Variants in ACYP2 observed in about 807,000 individuals in gnomAD.
ACYP2 encodes the protein acylphosphatase 2.
A neutral mutation model predicts 11.2 loss-of-function variants in ACYP2; 12 were observed. The ratio of observed to expected loss-of-function variants is 1.08; its 90% CI spans 0.69 to 1.74. The LOEUF (loss-of-function observed/expected upper bound fraction) is 1.74, where lower values mean the gene tolerates loss of function less well. Among genes scored for constraint, ACYP2 ranks in the 40% most tolerant of loss-of-function variants. The pLI is 0.00. For missense variants in ACYP2, 134 were observed against 101.9 expected (o/e 1.31, Z -1.35); for synonymous variants, 43 against 32.2 (o/e 1.33, Z -1.13).
At chr2:54,207,238 A>G (rs1427195806) in intron 6 of ACYP2, among the ~76,000 whole-genome samples, 1 of 143,438 alleles carries the variant, frequency 7.0e-6, no homozygotes, top group Non-Finnish European at 1.5e-5. Flanking sequence ...GGCTCATGCA[A>G]TTATGATGGT....
At chr2:54,272,328 C>A (rs1688344861) in intron 6 of ACYP2, among the ~76,000 whole-genome samples, 1 of 152,076 alleles carries the variant, frequency 6.6e-6, no homozygotes, top group African/African-American at 2.4e-5. Context: ...TTATCTCTAC[C>A]CAGGAGCTGC....
chr2:54,171,529 G>A (rs976021961), intron 6 of ACYP2, among the ~76,000 whole-genome samples: 4 of 152,152 alleles, frequency 2.6e-5, no homozygotes, highest in Admixed American at 6.5e-5. Flanking sequence ...ACAATGTGGC[G>A]TTGGTTGCTA....
At chr2:54,136,034 A>G (rs987744489) in intron 5 of ACYP2, among the ~76,000 whole-genome samples, 1 of 152,168 alleles carries the variant, frequency 6.6e-6, no homozygotes, top group South Asian at 2.1e-4. Context: ...AGTAGCTGGG[A>G]TTACACAGGT....
chr2:53,977,101 G>A (rs1210309881), intron 2 of ACYP2, among the ~76,000 whole-genome samples: 3 of 152,050 alleles, frequency 2.0e-5, no homozygotes, highest in African/African-American at 7.2e-5. Context: ...AGGCTGGTGT[G>A]CAGTGGCATG....
At chr2:54,059,133 A>G (rs1676330376) in intron 4 of ACYP2, among the ~76,000 whole-genome samples, 1 of 152,202 alleles carries the variant, frequency 6.6e-6, no homozygotes, top group Admixed American at 6.5e-5. Context: ...TTCCTGCTGT[A>G]TCACAACCTT....
rs565638860 is a variant in ACYP2, at chr2:54,104,519, G to A, written c.278-30934G>A. On this transcript the variant is annotated intron_variant, in intron 4 of 6. Coordinates refer to ENST00000607452, the MANE Select transcript of ACYP2 (RefSeq NM_001320586.2). ...GTTTTGTTAAGTAGACATTTTTGAT[G>A]TAGTTAGATTTTACCAAACTGCTAG... Among the ~76,000 whole-genome samples the A allele has an allele frequency of 2.6e-5, 4 of 152,288 alleles. No individual in the cohort carries two copies. The East Asian group carries it at 5.8e-4, about 22-fold the overall frequency.
chr2:53,983,495 G>A (rs1671866898), intron 2 of ACYP2, among the ~76,000 whole-genome samples: 1 of 152,098 alleles, frequency 6.6e-6, no homozygotes, highest in African/African-American at 2.4e-5. Context: ...AACAGAGCAA[G>A]ACCCTGTCTC....
intron 4 of ACYP2, among the ~76,000 whole-genome samples, chr2:54,074,859 G>C (rs753722074): frequency 1.3e-5 from 2 of 152,010 alleles, no homozygotes; most frequent in Non-Finnish European, 2.9e-5. Context: ...ATTGGATGAG[G>C]TTCACTCACA....
chr2:54,190,914 C>T (rs1315141780), intron 6 of ACYP2, among the ~76,000 whole-genome samples: 3 of 152,164 alleles, frequency 2.0e-5, no homozygotes, highest in Middle Eastern at 3.2e-3. Context: ...GAGCAAAAGT[C>T]CCTTTCTTAT....
intron 6 of ACYP2, among the ~76,000 whole-genome samples, chr2:54,211,483 A>G (rs1020674806): frequency 6.6e-6 from 1 of 152,194 alleles, no homozygotes; most frequent in African/African-American, 2.4e-5. Context: ...AATCCCATCT[A>G]CTTGGTATCC....
chr2:54,214,119 C>T (rs1041671502), intron 6 of ACYP2, among the ~76,000 whole-genome samples: 1 of 151,996 alleles, frequency 6.6e-6, no homozygotes, highest in Admixed American at 6.6e-5. Flanking sequence ...CGTTTAAGTT[C>T]CTTATAGATT....
chr2:54,083,666 G>A (rs1379697347), intron 4 of ACYP2, among the ~76,000 whole-genome samples: 1 of 152,180 alleles, frequency 6.6e-6, no homozygotes, highest in Non-Finnish European at 1.5e-5. Flanking sequence ...CTGCTGTCAA[G>A]AAGCTCCAGA....
chr2:54,089,918 G>T (rs1271389199), intron 4 of ACYP2, among the ~76,000 whole-genome samples: 1 of 152,052 alleles, frequency 6.6e-6, no homozygotes, highest in Non-Finnish European at 1.5e-5. Context: ...GGCCGAGGCA[G>T]GCAGATCGCT....
chr2:53,990,943 C>T (rs976224782), intron 2 of ACYP2, among the ~76,000 whole-genome samples: 3 of 151,930 alleles, frequency 2.0e-5, no homozygotes, highest in Non-Finnish European at 2.9e-5. Context: ...ATTACAGGTG[C>T]CCGCCACCAC....
intron 2 of ACYP2, among the ~76,000 whole-genome samples, chr2:54,013,729 G>GAA (rs377271771): frequency 2.0e-5 from 2 of 101,388 alleles, no homozygotes; most frequent in Admixed American, 1.0e-4. Flanking sequence ...AGAGAAAAAA[G>GAA]AAAAAAAAAA....
intron 6 of ACYP2, among the ~76,000 whole-genome samples, chr2:54,177,576 A>ATTTT (rs370517956): frequency 0.047 from 6,100 of 130,650 alleles, 223 homozygotes; most frequent in African/African-American, 0.084. Flanking sequence ...GATACCTACT[A>ATTTT]TTTTTTTTTT....
At chr2:54,166,411 C>T (rs547198337) in intron 6 of ACYP2, among the ~76,000 whole-genome samples, 2 of 152,128 alleles carry the variant, frequency 1.3e-5, no homozygotes, top group Non-Finnish European at 2.9e-5. Flanking sequence ...AATGTGTATA[C>T]AGAATGAAGT....
At chr2:54,194,907 T>C (rs1036428267) in intron 6 of ACYP2, among the ~76,000 whole-genome samples, 2 of 152,216 alleles carry the variant, frequency 1.3e-5, no homozygotes, top group Non-Finnish European at 2.9e-5. Flanking sequence ...GTATCACTAG[T>C]GGAAACTCTA....
intron 6 of ACYP2, among the ~76,000 whole-genome samples, chr2:54,249,434 CAAAA>C (rs55649227): frequency 1.1e-5 from 1 of 94,684 alleles, no homozygotes; most frequent in Non-Finnish European, 2.2e-5. Context: ...GACTCCGTCT[CAAAA>C]AAAAAAAAAA....
Sources: gnomAD v4.1 joint callset for allele counts (sites outside exome capture counted in the v4.1 genomes callset) on GRCh38, gnomAD v4.1.1 for gene constraint, MANE v1.5 for transcripts, NCBI Gene and HGNC (gene_info 2026-07-23, HGNC 2026-07-21) for gene names.